PROSER2: variants seen among roughly 807,000 people sequenced by gnomAD.
PROSER2 encodes the protein proline and serine-rich protein 2.
In PROSER2, 18 loss-of-function variants were observed where a neutral mutation model predicts 14.6. That is an observed-to-expected ratio of 1.23 (90% confidence interval 0.85 to 1.83). The LOEUF is 1.83. Ranked by LOEUF, PROSER2 falls within the 40% of genes most tolerant of loss-of-function variation. The pLI is 0.00. For missense variants in PROSER2, 823 were observed against 629.8 expected, an observed-to-expected ratio of 1.31 and a Z score of -3.28; for synonymous variants, 367 against 286.4, an observed-to-expected ratio of 1.28 and a Z score of -2.84.
intron 2 of PROSER2, among the ~76,000 whole-genome samples, chr10:11,854,766 G>C (rs962360831): frequency 6.6e-6 from 1 of 152,024 alleles, no homozygotes; most frequent in African/African-American, 2.4e-5. Flanking sequence ...ACAGTCACAT[G>C]ACACTTGATT....
intron 1 of PROSER2, among the ~76,000 whole-genome samples, chr10:11,839,977 G>C (rs1833813933): frequency 6.7e-6 from 1 of 150,238 alleles, no homozygotes. Flanking sequence ...TTTGAGACAA[G>C]GTCTAGCTCT....
Position 11,852,144 on chromosome 10 carries a change from C to T in PROSER2, c.67C>T (p.Leu23Phe). Reference sequence around the variant, plus strand: ...CTCAGACACGTCCCCCAGCTGCAGGCTCCGAGCCTTCAGCAGAGGCGGCAG... The same window carrying T: ...CTCAGACACGTCCCCCAGCTGCAGGTTCCGAGCCTTCAGCAGAGGCGGCAG... ...MNSDTSPSCR[L>F]RAFSRGGSLE... The change falls in exon 2 of 4, where the codon CTC (leucine) becomes TTC (phenylalanine). Residue 23 changes from leucine (L) to phenylalanine (F), a missense_variant. Leu to Phe is a conservative substitution (Grantham distance 22). Coordinates refer to ENST00000277570, the MANE Select transcript of PROSER2 (RefSeq NM_153256.4). The T allele has an allele frequency of 6.2e-7, 1 of 1,613,600 alleles. No homozygotes were observed. The highest frequency in any genetic ancestry group is 8.5e-7 in the Non-Finnish European group (1 of 1,179,814).
In PROSER2 at chr10:11,865,640, G is replaced by A. The variant is rs946111173; in HGVS notation, c.139-891G>A. ...GCCTTTTTTGGCTCTTGGATTCCTC[G>A]GGTTCCCCAGAGATGACATGCACAG... is the stretch of plus-strand genomic sequence containing the variant. On this transcript the variant is annotated intron_variant, in intron 2 of 3. Transcript: ENST00000277570. The surrounding 1 kb of genome is among the most constrained non-coding windows in gnomAD (Gnocchi z 4.2). Among the ~76,000 whole-genome samples, 1 of 152,098 alleles carries A rather than the reference G, an allele frequency of 6.6e-6. No homozygotes were observed. Among genetic ancestry groups the A allele is most frequent in the African/African-American group, 2.4e-5 (1 of 41,402 alleles).
chr10:11,831,709 T>G (rs1689220116), intron 1 of PROSER2: 1 of 152,168 alleles, frequency 6.6e-6, no homozygotes, highest in Non-Finnish European at 1.5e-5. Context: ...TCAAGATTGT[T>G]TTCAGGTGAG....
In PROSER2 at chr10:11,871,681, A is replaced by G. The variant is rs1834492418; in HGVS notation, c.*1275A>G. 1 of 152,206 alleles carries G rather than the reference A, an allele frequency of 6.6e-6. No homozygotes were observed. The highest frequency in any genetic ancestry group is 1.5e-5 in the Non-Finnish European group (1 of 68,030). The allele number at this position is 152,206 out of a possible 1,614,324, so 9.4% of individuals were successfully genotyped here. On this transcript the variant is annotated 3_prime_UTR_variant, in exon 4 of 4. Coordinates refer to ENST00000277570, the MANE Select transcript of PROSER2 (RefSeq NM_153256.4). ...TGCCACAAGCGTTATCATCAAAACT[A>G]TTTAAGGCTGGAGTCTTAGACCTCT...
chr10:11,870,373 G>A lies in PROSER2; in HGVS notation c.1275G>A (p.Leu425=). Residue 425 remains leucine, a synonymous_variant, in exon 4 of 4, where the codon CTG becomes CTA. Coordinates refer to ENST00000277570, the MANE Select transcript of PROSER2 (RefSeq NM_153256.4). ...CGGAGGAGGCGCGCAGGGAGGCCCT[G>A]CGGAAGCTGGGGCTGCTCAGGGAGA... The part of the protein sequence containing the change: ...GSSEEARREA[L]RKLGLLRESS 6.6e-7 allele frequency: 1 copy of A among 1,508,134 alleles called. No individual in the cohort carries two copies. The highest frequency in any genetic ancestry group is 1.3e-5 in the South Asian group (1 of 79,676). 93.4% of individuals were successfully genotyped at this position (1,508,134 alleles called of 1,614,324 possible).
rs1834416368 is a variant in PROSER2, at chr10:11,869,363, C to G, written c.392-127C>G. The G allele has an allele frequency of 1.5e-6, 1 of 679,444 alleles. No homozygotes were observed. Among genetic ancestry groups the G allele is most frequent in the South Asian group, 1.8e-5 (1 of 56,712 alleles). The allele number at this position is 679,444 out of a possible 1,614,324, so 42.1% of individuals were successfully genotyped here. A position where few individuals can be genotyped will look rare whatever the true frequency, so the allele number is the denominator to read the frequency against. ...AGGAACAGGGAGAGAGGAGTTGACTCACAGGCAGCACCGGCGAAGTTGGTG... is the reference window on the plus strand; with the variant it reads ...AGGAACAGGGAGAGAGGAGTTGACTGACAGGCAGCACCGGCGAAGTTGGTG... On this transcript the variant is annotated intron_variant, in intron 3 of 3. Coordinates refer to ENST00000277570, the MANE Select transcript of PROSER2 (RefSeq NM_153256.4). The surrounding 1 kb of genome is among the most constrained non-coding windows in gnomAD (Gnocchi z 4.4).
At chr10:11,864,064 A>G (rs1037301686) in intron 2 of PROSER2, among the ~76,000 whole-genome samples, 1 of 152,224 alleles carries the variant, frequency 6.6e-6, no homozygotes, top group Admixed American at 6.5e-5. Flanking sequence ...TTAGAGGAAC[A>G]GCTGCCCTTC....
At chr10:11,860,476 C>T (rs539181273) in intron 2 of PROSER2, among the ~76,000 whole-genome samples, 2 of 151,926 alleles carry the variant, frequency 1.3e-5, no homozygotes, top group Admixed American at 6.6e-5. Context: ...ATTAGCCAGG[C>T]GTGGTGGCGG....
intron 2 of PROSER2, among the ~76,000 whole-genome samples, chr10:11,863,889 C>T (rs1208537291): frequency 1.3e-5 from 2 of 152,192 alleles, no homozygotes; most frequent in Non-Finnish European, 2.9e-5. Flanking sequence ...GTTTTGCTTG[C>T]ATGGTTTCCT....
chr10:11,852,227 T>C lies in PROSER2; in HGVS notation c.138+12T>C. 1 of 1,594,048 alleles carries C rather than the reference T, an allele frequency of 6.3e-7. No homozygotes were observed. Among genetic ancestry groups the C allele is most frequent in the African/African-American group, 1.3e-5 (1 of 74,442 alleles). On this transcript the variant is annotated intron_variant, in intron 2 of 3. Transcript: ENST00000277570. Reference sequence around the variant, plus strand: ...GAAGCTTCACTTTGGTGAGTGACAGTTTTTCTTTCATGCTTTCCTGTGCCT... The same window carrying C: ...GAAGCTTCACTTTGGTGAGTGACAGCTTTTCTTTCATGCTTTCCTGTGCCT...
At chr10:11,831,424 C>T (rs983336653) in intron 1 of PROSER2, among the ~76,000 whole-genome samples, 2 of 152,298 alleles carry the variant, frequency 1.3e-5, no homozygotes, top group East Asian at 3.8e-4. Flanking sequence ...TTTCTTCTAT[C>T]CATAAATAAT....
rs766758903 is a variant in PROSER2 at position 11,870,357 on chromosome 10, C to T, written c.1259C>T (p.Ala420Val). 1.3e-6 allele frequency: 2 copies of T among 1,508,404 alleles called. No homozygotes were observed. The highest frequency in any genetic ancestry group is 2.5e-5 in the South Asian group (2 of 79,900). 93.4% of individuals were successfully genotyped at this position (1,508,404 alleles called of 1,614,324 possible). The change falls in exon 4 of 4, where the codon GCG becomes GTG. Residue 420 changes from alanine (A) to valine (V), a missense_variant. Coordinates refer to ENST00000277570, the MANE Select transcript of PROSER2 (RefSeq NM_153256.4). ...GCGGGCCGCGGCTCCTCGGAGGAGG[C>T]GCGCAGGGAGGCCCTGCGGAAGCTG... ...QFAGRGSSEE[A>V]RREALRKLGL... is the part of the protein sequence containing the mutation.
At position 11,872,208 on chromosome 10, in the gene PROSER2, G is replaced by A. The variant is rs1834502449; in HGVS notation, c.*1802G>A. ...GATTTCACTGTGAGTAGGGTGAACT[G>A]GACTGCATATTAGTTTATTTGTTGC... On this transcript the variant is annotated 3_prime_UTR_variant, in exon 4 of 4. Transcript: ENST00000277570. The A allele has an allele frequency of 6.6e-6, 1 of 152,164 alleles. No homozygotes were observed. Among genetic ancestry groups the A allele is most frequent in the African/African-American group, 2.4e-5 (1 of 41,426 alleles). The allele number at this position is 152,164 out of a possible 1,614,324, so 9.4% of individuals were successfully genotyped here. A position where few individuals can be genotyped will look rare whatever the true frequency, so the allele number is the denominator to read the frequency against.
chr10:11,839,358 GAT>G (rs1215537217), intron 1 of PROSER2, among the ~76,000 whole-genome samples: 1 of 152,086 alleles, frequency 6.6e-6, no homozygotes, highest in Non-Finnish European at 1.5e-5. Context: ...TAAACAAAAA[GAT>G]TGATAAATTC....
intron 1 of PROSER2, among the ~76,000 whole-genome samples, chr10:11,840,990 A>G (rs1384084489): frequency 9.0e-6 from 1 of 110,662 alleles, no homozygotes. Context: ...ATATATATAT[A>G]TGATGGTGGG....
At position 11,833,131 on chromosome 10, in the gene PROSER2, A is replaced by G. The variant is rs180845955; in HGVS notation, c.-82+9661A>G. On this transcript the variant is annotated intron_variant, in intron 1 of 3. Coordinates refer to ENST00000277570, the MANE Select transcript of PROSER2 (RefSeq NM_153256.4). ...AGTGCTGGGATTACAGGCATGAGCC[A>G]TTGTACCCGGCTGGTTTTAGAGTTT... is the stretch of plus-strand genomic sequence containing the variant. Among the ~76,000 whole-genome samples the G allele has an allele frequency of 6.3e-4, 96 of 151,430 alleles. No homozygotes were observed. The East Asian group carries it at 0.017, about 27-fold the overall frequency.
rs144876293 is a variant in PROSER2 at position 11,866,955 on chromosome 10, C to T, written c.391+172C>T. Among the ~76,000 whole-genome samples the T allele has an allele frequency of 1.3e-4, 20 of 152,210 alleles. No individual in the cohort carries two copies. In the East Asian group the frequency reaches 2.1e-3, roughly 16 times the overall value. ...TTCATCATCCAGCAAAGGGAAATGC[C>T]AGAGGGCCTAGAATAAAGAATGGAA... On this transcript the variant is annotated intron_variant, in intron 3 of 3. Transcript: ENST00000277570. The surrounding 1 kb of genome is among the most constrained non-coding windows in gnomAD (Gnocchi z 6.0).
intron 1 of PROSER2, among the ~76,000 whole-genome samples, chr10:11,826,546 T>TC (rs1360920751): frequency 6.6e-6 from 1 of 152,164 alleles, no homozygotes; most frequent in East Asian, 1.9e-4. Flanking sequence ...CTTGTTATTT[T>TC]CCCCCGCCTT....
Sources: allele counts gnomAD v4.1 joint callset (sites outside exome capture counted in the v4.1 genomes callset), GRCh38; gene constraint gnomAD v4.1.1; non-coding constraint Gnocchi (gnomAD v3.1); transcripts MANE v1.5; gene names NCBI Gene and HGNC (gene_info 2026-07-23, HGNC 2026-07-21).